PARP12: variants seen among roughly 807,000 people sequenced by gnomAD.
PARP12 encodes poly(ADP-ribose) polymerase family member 12.
In PARP12, 59 loss-of-function variants were observed where a neutral mutation model predicts 72.4. That is an observed-to-expected ratio of 0.81 (90% CI 0.66 to 1.01). The LOEUF is 1.01. Among genes scored for constraint, PARP12 ranks in the 50% least tolerant of loss-of-function variants. PARP12 has a pLI of 0.00. For missense variants in PARP12, 851 were observed against 914.0 expected, an observed-to-expected ratio of 0.93 and a Z score of 0.89; for synonymous variants, 403 against 371.4, an observed-to-expected ratio of 1.09 and a Z score of -0.98.
At chr7:140,025,351 G>A (rs1478641076) in intron 11 of PARP12, 2 of 294,408 alleles carry the variant, frequency 6.8e-6, no homozygotes, top group East Asian at 1.7e-4. Flanking sequence ...TGAGTTAGAA[G>A]CTGTCACCTG....
At chr7:140,027,599 G>C in intron 9 of PARP12, 193 bp from the exon 10 acceptor site, 1 of 513,770 alleles carries the variant, frequency 1.9e-6, no homozygotes, top group Non-Finnish European at 3.3e-6. Flanking sequence ...TAGGTTCTTG[G>C]AAACTGCAAT....
At chr7:140,038,866 A>AG (rs992632742) in intron 6 of PARP12, among the ~76,000 whole-genome samples, 2 of 152,158 alleles carry the variant, frequency 1.3e-5, no homozygotes, top group African/African-American at 4.8e-5. Flanking sequence ...GCAATGGAGA[A>AG]GGGGAAAAAA....
chr7:140,049,475 A>T (rs1816874886), intron 4 of PARP12, among the ~76,000 whole-genome samples: 1 of 152,200 alleles, frequency 6.6e-6, no homozygotes, highest in African/African-American at 2.4e-5. Context: ...ATTAGAGGAA[A>T]TGATCAGGGA....
intron 3 of PARP12, among the ~76,000 whole-genome samples, chr7:140,055,527 C>T (rs923916244): frequency 2.6e-5 from 4 of 152,172 alleles, no homozygotes; most frequent in East Asian, 1.9e-4. Context: ...TGTCACCTGT[C>T]GTTATTCATC....
intron 5 of PARP12, among the ~76,000 whole-genome samples, chr7:140,046,251 A>C (rs1816718807): frequency 6.6e-6 from 1 of 152,204 alleles, no homozygotes; most frequent in African/African-American, 2.4e-5. Flanking sequence ...CTAAGTGCAA[A>C]TTTATTTTAC....
In PARP12 at chr7:140,057,923, C is replaced by T. The variant is rs751979401; in HGVS notation, c.438G>A (p.Gln146=). 1.1e-5 allele frequency: 18 copies of T among 1,614,220 alleles called. 1 individual carries two copies. The Admixed American group carries it at 3.0e-4, about 27-fold the overall frequency. ...SYNELCQLLF[Q]NDPWLLPEIC... is the part of the protein sequence containing the mutation. ...CTTCTGGCAAAAGCCAGGGGTCGTT[C>T]TGAAACAAGAGTTGGCATAGCTCAT... Residue 146 remains glutamine (Q), a synonymous_variant, in exon 2 of 12, where the codon CAG becomes CAA. Transcript: ENST00000263549.
At chr7:140,035,967 AG>A (rs1437757027) in intron 7 of PARP12, among the ~76,000 whole-genome samples, 3 of 70,726 alleles carry the variant, frequency 4.2e-5, no homozygotes, top group Non-Finnish European at 7.0e-5. Flanking sequence ...GAGGAGGAGG[AG>A]GACGAGGAGG....
Position 140,062,733 on chromosome 7 carries a change from G to C in PARP12, c.115C>G (p.Leu39Val). ...CCACGCTGCCGCAGCAGCCGCTCCA[G>C]CGCGTCGGCGCTCAAGCCCATCCGC... is the stretch of plus-strand genomic sequence containing the variant. ...RLRMGLSADALERLLRQRGRF... is the reference protein window; with the variant it reads ...RLRMGLSADAVERLLRQRGRF... Residue 39 changes from leucine (L) to valine (V), a missense_variant, in exon 1 of 12, where the codon CTG becomes GTG. Leu to Val is a conservative substitution (Grantham distance 32, BLOSUM62 1). Transcript: ENST00000263549. 1 of 1,364,280 alleles carries C rather than the reference G, an allele frequency of 7.3e-7. No homozygotes were observed. Among genetic ancestry groups the C allele is most frequent in the Non-Finnish European group, 9.5e-7 (1 of 1,051,934 alleles). 84.5% of individuals were successfully genotyped at this position (1,364,280 alleles called of 1,614,324 possible). A position where few individuals can be genotyped will look rare whatever the true frequency, so the allele number is the denominator to read the frequency against.
Position 140,037,850 on chromosome 7 carries a change from C to T in PARP12, c.1189G>A (p.Val397Met). The stretch of plus-strand genomic sequence containing the variant: ...CTGCTGACAGTGGTCACAGGGTGCA[C>T]CGTGCCCTGCGATGGAAAGCCAGAC... Reference protein sequence around the residue: ...SWQEYGRQGTVHPVTTVSSSD... With the variant: ...SWQEYGRQGTMHPVTTVSSSD... Residue 397 changes from valine (V) to methionine (M), a missense_variant, in exon 7 of 12, where the codon GTG becomes ATG. By Grantham distance (21) the Val-to-Met change is conservative. This residue lies in a region of PARP12 where 347 missense variants were observed against 396.1 expected (regional missense o/e 0.88). Coordinates refer to ENST00000263549, the MANE Select transcript of PARP12 (RefSeq NM_022750.4). 3 of 1,605,528 alleles carry T rather than the reference C, an allele frequency of 1.9e-6. No homozygotes were observed. The highest frequency in any genetic ancestry group is 2.6e-6 in the Non-Finnish European group (3 of 1,172,852).
intron 1 of PARP12, among the ~76,000 whole-genome samples, chr7:140,062,304 G>A (rs1436229217): frequency 6.8e-6 from 1 of 146,434 alleles, no homozygotes; most frequent in Non-Finnish European, 1.5e-5. Context: ...TCTCCCCCCA[G>A]GCGTCTAGAG....
At chr7:140,027,559 A>G in intron 9 of PARP12, 153 bp from the exon 10 acceptor site, 1 of 833,992 alleles carries the variant, frequency 1.2e-6, no homozygotes, top group Non-Finnish European at 1.8e-6. Context: ...CAGGCACAGG[A>G]GACAATCGGT....
chr7:140,062,944 C>G lies in PARP12; in HGVS notation c.-97G>C. On this transcript the variant is annotated 5_prime_UTR_variant, in exon 1 of 12. Transcript: ENST00000263549. Reference sequence around the variant, plus strand: ...GGCTCTCGCAGGGTGGAGACGCCGGCGGGAAACGAAACCGAAAGCGGCCCC... The same window carrying G: ...GGCTCTCGCAGGGTGGAGACGCCGGGGGGAAACGAAACCGAAAGCGGCCCC... 9.7e-7 allele frequency: 1 copy of G among 1,029,346 alleles called. No individual in the cohort carries two copies. The highest frequency in any genetic ancestry group is 1.2e-6 in the Non-Finnish European group (1 of 820,214). 63.8% of individuals were successfully genotyped at this position (1,029,346 alleles called of 1,614,324 possible). A position where few individuals can be genotyped will look rare whatever the true frequency, so the allele number is the denominator to read the frequency against.
chr7:140,024,940 C>A, intron 11 of PARP12, 55 bp from the exon 12 acceptor site: 1 of 1,532,636 alleles, frequency 6.5e-7, no homozygotes, highest in Non-Finnish European at 9.0e-7. Flanking sequence ...CAGGAAGGGT[C>A]AGCACACTGC....
In PARP12 at chr7:140,050,148, G is replaced by A. The variant is rs145487415; in HGVS notation, c.863-3141C>T. On this transcript the variant is annotated intron_variant, in intron 4 of 11. Transcript: ENST00000263549. ...AATGAGAATCAAATAGATATAAAAAGAAGAGAGAAAAATGCAGACAAAATG... is the reference window on the plus strand; with the variant it reads ...AATGAGAATCAAATAGATATAAAAAAAAGAGAGAAAAATGCAGACAAAATG... Among the ~76,000 whole-genome samples the A allele has an allele frequency of 2.4e-4, 36 of 152,264 alleles. 2 individuals carry two copies. In the East Asian group the frequency reaches 6.7e-3, roughly 29 times the overall value.
Position 140,027,210 on chromosome 7 carries a change from G to T in PARP12, c.1628+66C>A. 3.8e-6 allele frequency: 6 copies of T among 1,575,174 alleles called. No homozygotes were observed. The South Asian group carries it at 6.7e-5, about 18-fold the overall frequency. ...CTTTTCCTGGAAACCCGGGCCACATGTGGCAACCAGCCAGTGGTGTGAAGG... is the reference window on the plus strand; with the variant it reads ...CTTTTCCTGGAAACCCGGGCCACATTTGGCAACCAGCCAGTGGTGTGAAGG... On this transcript the variant is annotated intron_variant, in intron 10 of 11. Coordinates refer to ENST00000263549, the MANE Select transcript of PARP12 (RefSeq NM_022750.4).
At chr7:140,034,455 T>C (rs746746441) in intron 7 of PARP12, 124 bp from the exon 8 acceptor site, 16 of 790,600 alleles carry the variant, frequency 2.0e-5, no homozygotes, top group Non-Finnish European at 2.7e-5. Flanking sequence ...AAACCCAGAA[T>C]CAGTCTGTTA....
chr7:140,062,772 G>C lies in PARP12; in HGVS notation c.76C>G (p.Leu26Val), dbSNP rs757880422. 9.3e-6 allele frequency: 13 copies of C among 1,400,272 alleles called. No individual in the cohort carries two copies. The East Asian group carries it at 3.3e-4, about 35-fold the overall frequency. 86.7% of individuals were successfully genotyped at this position (1,400,272 alleles called of 1,614,324 possible). A position where few individuals can be genotyped will look rare whatever the true frequency, so the allele number is the denominator to read the frequency against. The change falls in exon 1 of 12, where the codon CTG becomes GTG. Residue 26 changes from leucine (L) to valine (V), a missense_variant. By Grantham distance (32) the Leu-to-Val change is conservative. Transcript: ENST00000263549. The part of the protein sequence containing the change: ...AAGGALELPE[L>V]RRRLRMGLSA... ...AAGCCCATCCGCAAGCGGCGCCGCA[G>C]CTCGGGCAACTCCAGGGCGCCCCCG... is the stretch of plus-strand genomic sequence containing the variant.
At chr7:140,041,083 A>C (rs28656469) in intron 6 of PARP12, among the ~76,000 whole-genome samples, 2 of 152,164 alleles carry the variant, frequency 1.3e-5, no homozygotes, top group African/African-American at 4.8e-5. Flanking sequence ...TTGTATTTCT[A>C]TAAGTGACCA....
Position 140,046,909 on chromosome 7 carries a change from C to T in PARP12, c.961G>A (p.Ala321Thr), listed in dbSNP as rs529641774. The T allele has an allele frequency of 9.9e-6, 16 of 1,613,190 alleles. No individual in the cohort carries two copies. The East Asian group carries it at 3.3e-4, about 34-fold the overall frequency. ...DLDNMELIEEAYCNPKIERIL... is the reference protein window; with the variant it reads ...DLDNMELIEETYCNPKIERIL... ...CTTTCTATTTTGGGATTGCAATATG[C>T]CTCTTCAATAAGTTCCATGTTGTCC... Residue 321 changes from alanine (A) to threonine (T), a missense_variant, in exon 5 of 12, where the codon GCA (alanine) becomes ACA (threonine). Coordinates refer to ENST00000263549, the MANE Select transcript of PARP12 (RefSeq NM_022750.4).
Sources: gnomAD v4.1 joint callset for allele counts (sites outside exome capture counted in the v4.1 genomes callset) on GRCh38, gnomAD v4.1.1 for gene constraint, gnomAD v4.1.1 regional missense constraint, MANE v1.5 for transcripts, NCBI Gene and HGNC (gene_info 2026-07-23, HGNC 2026-07-21) for gene names.